The following TET2 variants were observed in gnomAD, a reference collection of about 807,000 sequenced individuals.
TET2 encodes methylcytosine dioxygenase TET2.
A neutral mutation model predicts 142.9 loss-of-function variants in TET2; 299 were observed. That is an observed-to-expected ratio of 2.09 (90% CI 1.90 to 2.30). The LOEUF is 2.30. TET2 is among the 30% of genes most tolerant of loss of function. The pLI, the probability that TET2 is intolerant of heterozygous loss-of-function variation, is 0.00. For missense variants in TET2, 2,418 were observed against 2,378.0 expected (o/e 1.02, Z -0.35); for synonymous variants, 819 against 849.0 (o/e 0.96, Z 0.61).
At chr4:105,228,598 T>G (rs1471274707) in intron 2 of TET2, among the ~76,000 whole-genome samples, 1 of 152,116 alleles carries the variant, frequency 6.6e-6, no homozygotes, top group East Asian at 1.9e-4. Flanking sequence ...AAAACATGTA[T>G]TATGTACAGA....
At chr4:105,203,866 C>T (rs1043758279) in intron 2 of TET2, among the ~76,000 whole-genome samples, 1 of 152,082 alleles carries the variant, frequency 6.6e-6, no homozygotes, top group Admixed American at 6.6e-5. Flanking sequence ...TCTCCTCCCA[C>T]CCCTGTTTTT....
intron 2 of TET2, among the ~76,000 whole-genome samples, chr4:105,193,553 A>G (rs1054062976): frequency 6.6e-6 from 1 of 152,154 alleles, no homozygotes; most frequent in African/African-American, 2.4e-5. Flanking sequence ...GTAATTTAGG[A>G]GATAAATTGA....
At chr4:105,253,896 T>C (rs1486703643) in intron 6 of TET2, among the ~76,000 whole-genome samples, 1 of 152,194 alleles carries the variant, frequency 6.6e-6, no homozygotes, top group African/African-American at 2.4e-5. Context: ...GTGTTGGATT[T>C]TGTAAATACT....
intron 6 of TET2, among the ~76,000 whole-genome samples, chr4:105,249,001 C>CTTT (rs60525299): frequency 1.5e-5 from 2 of 131,790 alleles, no homozygotes; most frequent in African/African-American, 2.8e-5. Context: ...TTTTCTTTTT[C>CTTT]TTTTTTTTTT....
intron 1 of TET2, among the ~76,000 whole-genome samples, chr4:105,169,662 T>C (rs1205741925): frequency 6.6e-6 from 1 of 152,224 alleles, no homozygotes; most frequent in African/African-American, 2.4e-5. Context: ...CCTAAGCCAA[T>C]GTCTAGAAGG....
intron 10 of TET2, among the ~76,000 whole-genome samples, chr4:105,273,177 T>C (rs2110307900): frequency 6.6e-6 from 1 of 152,280 alleles, no homozygotes; most frequent in East Asian, 1.9e-4. Context: ...CCCCACCATG[T>C]GTCCATGTGC....
At chr4:105,158,470 G>C (rs1246678920) in intron 1 of TET2, among the ~76,000 whole-genome samples, 4 of 152,102 alleles carry the variant, frequency 2.6e-5, no homozygotes, top group African/African-American at 7.2e-5. Context: ...TAGGAAGAGA[G>C]GTAAAATGCT....
intron 2 of TET2, among the ~76,000 whole-genome samples, chr4:105,209,352 G>A (rs1393735417): frequency 6.6e-6 from 1 of 151,788 alleles, no homozygotes; most frequent in African/African-American, 2.4e-5. Context: ...AAATAGGGAG[G>A]AAATCTGAAA....
At chr4:105,247,194 T>C (rs1729621915) in intron 6 of TET2, among the ~76,000 whole-genome samples, 1 of 152,200 alleles carries the variant, frequency 6.6e-6, no homozygotes, top group African/African-American at 2.4e-5. Flanking sequence ...TTTTCCCACA[T>C]CCACTCCCAC....
intron 8 of TET2, among the ~76,000 whole-genome samples, chr4:105,266,380 T>A (rs994872044): frequency 1.3e-5 from 2 of 151,958 alleles, no homozygotes; most frequent in African/African-American, 4.8e-5. Context: ...GTAAAATTTA[T>A]AGTCTAGCAT....
chr4:105,266,584 T>G (rs1730689905), intron 8 of TET2, among the ~76,000 whole-genome samples: 1 of 151,944 alleles, frequency 6.6e-6, no homozygotes, highest in South Asian at 2.1e-4. Flanking sequence ...TAAGGAAAGA[T>G]CAGAAGATAT....
chr4:105,175,946 C>T (rs893036136), intron 1 of TET2, among the ~76,000 whole-genome samples: 3 of 152,130 alleles, frequency 2.0e-5, no homozygotes, highest in African/African-American at 7.2e-5. Context: ...CGGCAGTGTA[C>T]GATTCTGGAC....
In TET2 at chr4:105,236,234, A is replaced by G. The variant is rs1728887975; in HGVS notation, c.2292A>G (p.Gln764=). ...EEILQTFPHP[Q]SNNDQQREGS... is the part of the protein sequence containing the mutation. ...TACTCCAGACTTTTCCTCACCCCCA[A>G]AGCAACAATGATCAGCAAAGAGAAG... Residue 764 remains glutamine (Q), a synonymous_variant, in exon 3 of 11, where the codon CAA becomes CAG. Transcript: ENST00000380013. The G allele has an allele frequency of 6.2e-7, 1 of 1,613,978 alleles. No homozygotes were observed. Among genetic ancestry groups the G allele is most frequent in the East Asian group, 2.2e-5 (1 of 44,854 alleles).
chr4:105,193,714 A>G (rs2110489987), intron 2 of TET2, among the ~76,000 whole-genome samples: 1 of 152,340 alleles, frequency 6.6e-6, no homozygotes, highest in South Asian at 2.1e-4. Flanking sequence ...ACGTGTTGGT[A>G]TTAAAAGAAA....
At chr4:105,173,931 T>C (rs184243868) in intron 1 of TET2, among the ~76,000 whole-genome samples, 4 of 152,298 alleles carry the variant, frequency 2.6e-5, no homozygotes, top group Non-Finnish European at 4.4e-5. Context: ...TGAGGAAATA[T>C]ATATTTTACC....
intron 2 of TET2, among the ~76,000 whole-genome samples, chr4:105,226,541 T>C (rs1728202111): frequency 1.3e-5 from 2 of 152,166 alleles, no homozygotes; most frequent in South Asian, 4.1e-4. Context: ...GTCCTCCTGA[T>C]AGTGAGTTCT....
At position 105,175,809 on chromosome 4, in the gene TET2, T is replaced by C. The variant is rs541323781; in HGVS notation, c.-192-14551T>C. ...CAGAAAATCAAAGATTAAAAAAATA[T>C]CGAAAGAATCCAGAAGGAAAAAACA... On this transcript the variant is annotated intron_variant, in intron 1 of 10. Coordinates refer to ENST00000380013, the MANE Select transcript of TET2 (RefSeq NM_001127208.3). Among the ~76,000 whole-genome samples the C allele has an allele frequency of 2.0e-5, 3 of 151,962 alleles. No homozygotes were observed. The East Asian group carries it at 5.8e-4, about 29-fold the overall frequency.
chr4:105,239,081 T>TGTTTTTTTG (rs1553914846), intron 3 of TET2: 2 of 226,016 alleles, frequency 8.8e-6, no homozygotes, highest in East Asian at 6.4e-5. Flanking sequence ...TTTGTTTTTT[T>TGTTTTTTTG]TTTTTGTTTT....
chr4:105,162,228 G>A (rs1723893511), intron 1 of TET2, among the ~76,000 whole-genome samples: 1 of 152,098 alleles, frequency 6.6e-6, no homozygotes, highest in Non-Finnish European at 1.5e-5. Context: ...GGAGTCCCAG[G>A]TTACCCTAAT....
Sources: allele counts gnomAD v4.1 joint callset (sites outside exome capture counted in the v4.1 genomes callset), GRCh38; gene constraint gnomAD v4.1.1; transcripts MANE v1.5; gene names NCBI Gene and HGNC (gene_info 2026-07-23, HGNC 2026-07-21).